Variants in CR1 observed in about 807,000 individuals in gnomAD.
The protein encoded by CR1 is complement C3b/C4b receptor 1 (Knops blood group).
A neutral mutation model predicts 187.3 loss-of-function variants in CR1; 116 were observed. That is an observed-to-expected ratio of 0.62 (90% confidence interval 0.53 to 0.72). The LOEUF is 0.72. CR1 is among the 30% of genes least tolerant of loss of function. The pLI is 0.00. For missense variants in CR1, 1,731 were observed against 2,110.7 expected (o/e 0.82, Z 3.52); for synonymous variants, 576 against 747.1 (o/e 0.77, Z 3.73).
chr1:207,496,670 G>C lies in CR1; in HGVS notation c.121+282G>C, dbSNP rs541620904. ...CGCAGATGCTGAGCGGGTGCCGCAC[G>C]AAATTCCTTGCCTTTGTGTATTCAC... On this transcript the variant is annotated intron_variant, in intron 1 of 46. Transcript: ENST00000367049. Among the ~76,000 whole-genome samples the C allele has an allele frequency of 2.4e-3, 361 of 152,344 alleles. 1 individual carries two copies. The highest frequency in any genetic ancestry group is 4.0e-3 in the Non-Finnish European group (270 of 68,030).
intron 46 of CR1, among the ~76,000 whole-genome samples, chr1:207,637,279 G>A (rs145944507): frequency 0.063 from 9,579 of 152,240 alleles, 602 homozygotes; most frequent in East Asian, 0.35. Flanking sequence ...ACTGGGACAC[G>A]ACTGAGTTTG....
chr1:207,606,695 T>C (rs2102380133), intron 35 of CR1: 1 of 152,416 alleles, frequency 6.6e-6, no homozygotes, highest in African/African-American at 2.4e-5. Context: ...CTACTCTGGA[T>C]GGCTTTAAGG....
chr1:207,506,108 C>T (rs777708090), intron 2 of CR1, 25 bp downstream of exon 2: 1 of 1,606,034 alleles, frequency 6.2e-7, no homozygotes, highest in South Asian at 1.1e-5. Flanking sequence ...AGTGGGAACC[C>T]CCCTGTTAGT....
intron 5 of CR1, 77 bp downstream of exon 5, chr1:207,524,086 A>C: frequency 6.2e-7 from 1 of 1,611,302 alleles, no homozygotes; most frequent in Non-Finnish European, 8.5e-7. Flanking sequence ...GTATTTGTTC[A>C]GGGGGAGGGA....
At chr1:207,622,498 T>A (rs1441679926) in intron 44 of CR1, among the ~76,000 whole-genome samples, 1 of 152,244 alleles carries the variant, frequency 6.6e-6, no homozygotes, top group Non-Finnish European at 1.5e-5. Flanking sequence ...TTTACGCATC[T>A]GGACACTGAG....
At chr1:207,513,948 G>C (rs534949661) in intron 4 of CR1, among the ~76,000 whole-genome samples, 5 of 152,162 alleles carry the variant, frequency 3.3e-5, no homozygotes, top group South Asian at 2.1e-4. Context: ...CATTAAGCTG[G>C]TGTTTACTGT....
chr1:207,608,553 T>G (rs909635620), intron 36 of CR1, among the ~76,000 whole-genome samples: 1 of 152,176 alleles, frequency 6.6e-6, no homozygotes, highest in African/African-American at 2.4e-5. Context: ...AAACATTAAA[T>G]GAATGAGAAT....
In CR1 at chr1:207,607,179, T is replaced by C. The variant is rs1661777196; in HGVS notation, c.5811-72T>C. 1.1e-5 allele frequency: 13 copies of C among 1,178,304 alleles called. 1 individual carries two copies. In the Middle Eastern group the frequency reaches 1.2e-3, roughly 105 times the overall value. 73.0% of individuals were successfully genotyped at this position (1,178,304 alleles called of 1,614,324 possible). ...CCTGTAATGTCTAATGTCTACCTGC[T>C]ATTATTTTCTAAATGGTGAGTTAAA... On this transcript the variant is annotated intron_variant, in intron 35 of 46. Coordinates refer to ENST00000367049, the MANE Select transcript of CR1 (RefSeq NM_000651.6).
At chr1:207,525,503 G>A (rs1660138816) in intron 5 of CR1, among the ~76,000 whole-genome samples, 1 of 151,812 alleles carries the variant, frequency 6.6e-6, no homozygotes, top group Non-Finnish European at 1.5e-5. Context: ...AAAGTCATTG[G>A]CATCGTTACA....
Position 207,618,165 on chromosome 1 carries a change from C to A in CR1, c.6984C>A (p.Asp2328Glu). 6.2e-7 allele frequency: 1 copy of A among 1,613,844 alleles called. No homozygotes were observed. Among genetic ancestry groups the A allele is most frequent in the South Asian group, 1.1e-5 (1 of 91,070 alleles). Residue 2328 changes from aspartate (D) to glutamate (E), a missense_variant, in exon 42 of 47, where the codon GAC becomes GAA. Asp to Glu is a conservative substitution (Grantham distance 45). Coordinates refer to ENST00000367049, the MANE Select transcript of CR1 (RefSeq NM_000651.6). ...LPGMTISYIC[D>E]PGYLLVGKGF... ...GGATGACAATCAGCTACATTTGTGA[C>A]CCCGGCTACCTGTTAGTGGGAAAGG...
At position 207,617,958 on chromosome 1, in the gene CR1, T is replaced by C. The variant is rs927400338; in HGVS notation, c.6890-113T>C. On this transcript the variant is annotated intron_variant, in intron 41 of 46. Coordinates refer to ENST00000367049, the MANE Select transcript of CR1 (RefSeq NM_000651.6). ...AGGGAGTGGCTTATGACCTGGCTGGTTGAGGTCTTCATGTACCTCTAATAG... is the reference window on the plus strand; with the variant it reads ...AGGGAGTGGCTTATGACCTGGCTGGCTGAGGTCTTCATGTACCTCTAATAG... The C allele has an allele frequency of 1.3e-5, 16 of 1,190,064 alleles. No individual in the cohort carries two copies. In the African/African-American group the frequency reaches 2.0e-4, roughly 15 times the overall value. 73.7% of individuals were successfully genotyped at this position (1,190,064 alleles called of 1,614,324 possible). A position where few individuals can be genotyped will look rare whatever the true frequency, so the allele number is the denominator to read the frequency against.
chr1:207,601,816 A>G (rs573174923), intron 35 of CR1, among the ~76,000 whole-genome samples: 2 of 150,716 alleles, frequency 1.3e-5, no homozygotes, highest in African/African-American at 4.9e-5. Context: ...TAAGTATTAA[A>G]TCCTTATCAG....
intron 1 of CR1, among the ~76,000 whole-genome samples, chr1:207,499,897 A>G (rs1285157482): frequency 1.3e-5 from 2 of 152,232 alleles, no homozygotes; most frequent in Middle Eastern, 3.2e-3. Context: ...AGTGTCCTAC[A>G]CAGAAATGCT....
chr1:207,590,442 C>T (rs1661237351), intron 35 of CR1, among the ~76,000 whole-genome samples: 1 of 152,174 alleles, frequency 6.6e-6, no homozygotes, highest in Non-Finnish European at 1.5e-5. Flanking sequence ...ACTTGCCTTA[C>T]AAGGGCTCCT....
chr1:207,496,222 A>G lies in CR1; in HGVS notation c.-46A>G. On this transcript the variant is annotated 5_prime_UTR_variant, in exon 1 of 47. Coordinates refer to ENST00000367049, the MANE Select transcript of CR1 (RefSeq NM_000651.6). ...TTCGCTGAGCTTTTCCTCTTATTTCAGTTTTCTTCGAGATCAAATCTGGTT... is the reference window on the plus strand; with the variant it reads ...TTCGCTGAGCTTTTCCTCTTATTTCGGTTTTCTTCGAGATCAAATCTGGTT... 6.2e-7 allele frequency: 1 copy of G among 1,613,272 alleles called. No individual in the cohort carries two copies.
Position 207,577,735 on chromosome 1 carries a change from C to T in CR1, c.4538-70C>T, listed in dbSNP as rs910242446. 16 of 1,590,826 alleles carry T rather than the reference C, an allele frequency of 1.0e-5. No individual in the cohort carries two copies. The African/African-American group carries it at 1.3e-4, about 13-fold the overall frequency. On this transcript the variant is annotated intron_variant, in intron 28 of 46. Coordinates refer to ENST00000367049, the MANE Select transcript of CR1 (RefSeq NM_000651.6). The stretch of plus-strand genomic sequence containing the variant: ...AGTTAGCCATGATTGTGCCACTGCA[C>T]TCCAGCCTGGGTGACAGCAAGACTC...
At chr1:207,627,270 T>A (rs1571615724) in intron 45 of CR1, among the ~76,000 whole-genome samples, 1 of 152,326 alleles carries the variant, frequency 6.6e-6, no homozygotes, top group East Asian at 1.9e-4. Context: ...TATAATTAAT[T>A]AAATAATTAC....
Position 207,587,418 on chromosome 1 carries a change from G to T in CR1, c.5563G>T (p.Ala1855Ser). Residue 1855 changes from alanine (A) to serine (S), a missense_variant, in exon 34 of 47, where the codon GCC (alanine) becomes TCC (serine). Ala to Ser is a moderately conservative substitution (Grantham distance 99). Transcript: ENST00000367049. ...TAAAACCCCAGAGCAGTTTCCATTTGCCAGTCCTACGATCCCAATTAATGA... is the reference window on the plus strand; with the variant it reads ...TAAAACCCCAGAGCAGTTTCCATTTTCCAGTCCTACGATCCCAATTAATGA... ...HCKTPEQFPFASPTIPINDFE... is the reference protein window; with the variant it reads ...HCKTPEQFPFSSPTIPINDFE... The T allele has an allele frequency of 6.2e-7, 1 of 1,613,810 alleles. No individual in the cohort carries two copies. Among genetic ancestry groups the T allele is most frequent in the Non-Finnish European group, 8.5e-7 (1 of 1,179,746 alleles).
chr1:207,619,739 G>T (rs1223255811), intron 42 of CR1, 141 bp from the exon 43 acceptor site: 2 of 653,528 alleles, frequency 3.1e-6, no homozygotes, highest in Non-Finnish European at 5.2e-6. Flanking sequence ...TTTTGGAGGA[G>T]GAAGATTAGT....
Sources: gnomAD v4.1 joint callset for allele counts (sites outside exome capture counted in the v4.1 genomes callset) on GRCh38, gnomAD v4.1.1 for gene constraint, MANE v1.5 for transcripts, NCBI Gene and HGNC (gene_info 2026-07-23, HGNC 2026-07-21) for gene names.